The following CAB39L variants were observed in gnomAD, a reference collection of about 807,000 sequenced individuals.
The protein encoded by CAB39L is calcium-binding protein 39-like.
Under a neutral mutation model 39.1 loss-of-function variants are expected in CAB39L, and 23 were observed. That is an observed-to-expected ratio of 0.59 (90% CI 0.42 to 0.83). CAB39L has a LOEUF of 0.83. CAB39L is among the 40% of genes least tolerant of loss of function. The pLI is 0.00. For synonymous variants in CAB39L, 126 were observed against 137.2 expected (o/e 0.92, Z 0.57); for missense variants, 366 against 391.9 (o/e 0.93, Z 0.56).
intron 1 of CAB39L, among the ~76,000 whole-genome samples, chr13:49,438,004 TTA>T (rs1491272879): frequency 4.6e-4 from 68 of 149,420 alleles, no homozygotes; most frequent in African/African-American, 1.5e-3. Context: ...TTTTTATTTT[TTA>T]TTTTTTTTAA....
intron 3 of CAB39L, among the ~76,000 whole-genome samples, chr13:49,385,740 G>A (rs986269570): frequency 6.6e-6 from 1 of 152,114 alleles, no homozygotes; most frequent in Admixed American, 6.5e-5. Context: ...ACAGGGGAAC[G>A]GCCAGTCGAT....
At position 49,416,412 on chromosome 13, in the gene CAB39L, G is replaced by A. The variant is rs548928820; in HGVS notation, c.-32+16906C>T. On this transcript the variant is annotated intron_variant, in intron 3 of 10. Coordinates refer to ENST00000409308, the MANE Select transcript of CAB39L (RefSeq NM_001079670.3). Reference sequence around the variant, plus strand: ...CAAAACAACTGCTCTTACCACATCTGATGCAGTCTGATATTGTCTATGCTA... The same window carrying A: ...CAAAACAACTGCTCTTACCACATCTAATGCAGTCTGATATTGTCTATGCTA... 4.8e-4 allele frequency among the ~76,000 whole-genome samples: 73 copies of A among 152,226 alleles called. 1 individual carries two copies. The highest frequency in any genetic ancestry group is 9.3e-4 in the Non-Finnish European group (63 of 68,038).
At chr13:49,339,843 G>A (rs1291356571) in intron 8 of CAB39L, 101 bp from the exon 9 acceptor site, 1 of 1,271,506 alleles carries the variant, frequency 7.9e-7, no homozygotes, top group Non-Finnish European at 1.0e-6. Context: ...CCAACTTCTG[G>A]CCATTTTACC....
chr13:49,320,266 C>T (rs923846934), intron 10 of CAB39L, among the ~76,000 whole-genome samples: 1 of 152,050 alleles, frequency 6.6e-6, no homozygotes, highest in African/African-American at 2.4e-5. Context: ...TCTTTGTTGT[C>T]CCTGTTTTTT....
intron 3 of CAB39L, among the ~76,000 whole-genome samples, chr13:49,424,267 G>A (rs1957213530): frequency 6.6e-6 from 1 of 152,238 alleles, no homozygotes; most frequent in Non-Finnish European, 1.5e-5. Context: ...CACATTGACA[G>A]TATGTGATGA....
intron 3 of CAB39L, among the ~76,000 whole-genome samples, chr13:49,423,780 A>T (rs1179408606): frequency 6.6e-6 from 1 of 152,220 alleles, no homozygotes; most frequent in Non-Finnish European, 1.5e-5. Flanking sequence ...CACAAACATA[A>T]ATAAGCATTA....
intron 3 of CAB39L, among the ~76,000 whole-genome samples, chr13:49,389,469 C>T (rs772364059): frequency 2.0e-5 from 3 of 151,970 alleles, no homozygotes; most frequent in Non-Finnish European, 2.9e-5. Context: ...GGGGAAACCC[C>T]GTCTCCACAA....
chr13:49,339,630 G>T, intron 9 of CAB39L, 47 bp downstream of exon 9: 1 of 1,479,472 alleles, frequency 6.8e-7, no homozygotes, highest in South Asian at 1.5e-5. Context: ...ATTTGCTAAT[G>T]AGATATAAAC....
chr13:49,328,038 C>T (rs1344566396), intron 10 of CAB39L, among the ~76,000 whole-genome samples: 2 of 152,242 alleles, frequency 1.3e-5, no homozygotes, highest in Non-Finnish European at 2.9e-5. Flanking sequence ...TTAAAGTCTG[C>T]TTCCAAGCAC....
chr13:49,432,679 T>A (rs1957345879), intron 3 of CAB39L, among the ~76,000 whole-genome samples: 1 of 152,316 alleles, frequency 6.6e-6, no homozygotes, highest in East Asian at 1.9e-4. Flanking sequence ...TCTTACAAGG[T>A]ACCTGAGAGT....
chr13:49,391,867 G>A (rs1326886278), intron 3 of CAB39L, among the ~76,000 whole-genome samples: 1 of 151,492 alleles, frequency 6.6e-6, no homozygotes, highest in Non-Finnish European at 1.5e-5. Flanking sequence ...AGGAATAAGA[G>A]CAACCAATAA....
At chr13:49,340,324 C>T (rs997019918) in intron 8 of CAB39L, among the ~76,000 whole-genome samples, 1 of 152,154 alleles carries the variant, frequency 6.6e-6, no homozygotes, top group Non-Finnish European at 1.5e-5. Context: ...AGAGTGCTGG[C>T]ATCTGGGGAG....
intron 1 of CAB39L, among the ~76,000 whole-genome samples, chr13:49,440,586 T>A (rs1316392307): frequency 6.6e-6 from 1 of 152,078 alleles, no homozygotes; most frequent in Non-Finnish European, 1.5e-5. Flanking sequence ...ATTCTAATGA[T>A]ATTGATTCTT....
intron 1 of CAB39L, among the ~76,000 whole-genome samples, chr13:49,435,952 T>C (rs1957406126): frequency 6.6e-6 from 1 of 152,254 alleles, no homozygotes; most frequent in Admixed American, 6.5e-5. Flanking sequence ...CAAATATTTT[T>C]CCCCGCTTTG....
chr13:49,316,713 A>T (rs1279408032), intron 10 of CAB39L, among the ~76,000 whole-genome samples: 1 of 152,252 alleles, frequency 6.6e-6, no homozygotes, highest in Non-Finnish European at 1.5e-5. Context: ...ACTGGGTTAA[A>T]CTGTGTTCCC....
chr13:49,413,594 T>C (rs912545436), intron 3 of CAB39L: 4 of 152,132 alleles, frequency 2.6e-5, no homozygotes, highest in African/African-American at 9.7e-5. Flanking sequence ...AGGGAAGTTT[T>C]TGAGGTGGAG....
rs1356212739 is a variant in CAB39L at position 49,309,417 on chromosome 13, G to A, written c.*1397C>T. 6.6e-6 allele frequency: 1 copy of A among 152,248 alleles called. No homozygotes were observed. Among genetic ancestry groups the A allele is most frequent in the Non-Finnish European group, 1.5e-5 (1 of 68,056 alleles). 9.4% of individuals were successfully genotyped at this position (152,248 alleles called of 1,614,324 possible). On this transcript the variant is annotated 3_prime_UTR_variant, in exon 11 of 11. Transcript: ENST00000409308. ...ACATTTCTCTTCCCCTCTCTAGGCA[G>A]AGAAATACCTGGCTGAAGAAAAACT...
chr13:49,434,174 T>G lies in CAB39L; in HGVS notation c.-196A>C, dbSNP rs114033979. On this transcript the variant is annotated 5_prime_UTR_variant, in exon 2 of 11. Coordinates refer to ENST00000409308, the MANE Select transcript of CAB39L (RefSeq NM_001079670.3). The stretch of plus-strand genomic sequence containing the variant: ...CATCTTTACGTTCTGAACAGCAACT[T>G]AGAACACTTTGCTCCTGATATTCTT... 5 of 456,542 alleles carry G rather than the reference T, an allele frequency of 1.1e-5. No homozygotes were observed. The highest frequency in any genetic ancestry group is 8.0e-5 in the African/African-American group (4 of 50,164). The allele number at this position is 456,542 out of a possible 1,614,324, so 28.3% of individuals were successfully genotyped here.
chr13:49,364,751 C>A (rs1020305730), intron 5 of CAB39L, among the ~76,000 whole-genome samples: 5 of 151,858 alleles, frequency 3.3e-5, no homozygotes, highest in African/African-American at 1.2e-4. Flanking sequence ...GTAAAAAAAT[C>A]TCCATAATGA....
Sources: allele counts gnomAD v4.1 joint callset (sites outside exome capture counted in the v4.1 genomes callset), GRCh38; gene constraint gnomAD v4.1.1; transcripts MANE v1.5; gene names NCBI Gene and HGNC (gene_info 2026-07-23, HGNC 2026-07-21).